ANOS1: variants seen among roughly 807,000 people sequenced by gnomAD.
ANOS1 encodes the protein anosmin 1.
A neutral mutation model predicts 59.0 loss-of-function variants in ANOS1; 6 were observed. The ratio of observed to expected loss-of-function variants is 0.10; its 90% CI spans 0.06 to 0.20. ANOS1 has a LOEUF of 0.20. Among genes scored for constraint, ANOS1 ranks in the 10% least tolerant of loss-of-function variants. The probability of loss-of-function intolerance (pLI) is 1.00; values close to 1 mark genes in which losing one functional copy is unlikely to be tolerated. For missense variants in ANOS1, 433 were observed against 542.3 expected (o/e 0.80, Z 2.00); for synonymous variants, 217 against 223.4 (o/e 0.97, Z 0.25).
intron 10 of ANOS1, among the ~76,000 whole-genome samples, chrX:8,537,762 G>C (rs1045733648): frequency 1.2e-5 from 1 of 80,384 alleles, no homozygotes; most frequent in Non-Finnish European, 2.7e-5. Context: ...GTGTGTGTGT[G>C]TGTGTGTGTG....
intron 9 of ANOS1, among the ~76,000 whole-genome samples, chrX:8,551,608 A>C (rs908704995): frequency 9.0e-6 from 1 of 110,666 alleles, no homozygotes; most frequent in Non-Finnish European, 1.9e-5. Flanking sequence ...CTCCATCAAA[A>C]AAAAAAAAAC....
At chrX:8,640,312 G>C (rs981738295) in intron 2 of ANOS1, among the ~76,000 whole-genome samples, 1 of 111,073 alleles carries the variant, frequency 9.0e-6, no homozygotes, top group African/African-American at 3.3e-5. Context: ...TTCCTAACAA[G>C]GGGGAGGGAG....
At chrX:8,612,602 G>A (rs1931081378) in intron 3 of ANOS1, among the ~76,000 whole-genome samples, 1 of 105,724 alleles carries the variant, frequency 9.5e-6, no homozygotes, top group South Asian at 4.1e-4. Flanking sequence ...ATTCTATTGG[G>A]ATGAATCAAG....
chrX:8,566,072 G>A, intron 8 of ANOS1: 8 of 754,050 alleles, frequency 1.1e-5, no homozygotes, highest in Non-Finnish European at 1.3e-5. Flanking sequence ...CATCCACGCT[G>A]CTGCGTTTGT....
chrX:8,648,839 T>C (rs1168766659), intron 2 of ANOS1, among the ~76,000 whole-genome samples: 1 of 112,173 alleles, frequency 8.9e-6, no homozygotes, highest in Non-Finnish European at 1.9e-5. Context: ...GTTGATGTCT[T>C]TGTTCAGTAA....
chrX:8,642,951 A>G (rs1931690264), intron 2 of ANOS1, among the ~76,000 whole-genome samples: 1 of 112,672 alleles, frequency 8.9e-6, no homozygotes, highest in South Asian at 3.7e-4. Flanking sequence ...GGAAAACTTT[A>G]TAAAGAACTT....
intron 2 of ANOS1, among the ~76,000 whole-genome samples, chrX:8,631,553 T>C (rs1285898007): frequency 2.7e-5 from 3 of 112,282 alleles, no homozygotes; most frequent in East Asian, 2.8e-4. Flanking sequence ...AGTTTTTTTT[T>C]CTTTAATCTG....
At chrX:8,608,063 AG>A (rs1220993016) in intron 3 of ANOS1, among the ~76,000 whole-genome samples, 11 of 112,039 alleles carry the variant, frequency 9.8e-5, no homozygotes, top group African/African-American at 3.6e-4. Context: ...TGTCCCCTTC[AG>A]AGCTTGACAA....
intron 1 of ANOS1, among the ~76,000 whole-genome samples, chrX:8,727,949 T>C (rs1242967891): frequency 1.8e-5 from 2 of 112,627 alleles, no homozygotes; most frequent in African/African-American, 6.5e-5. Context: ...ACAACATGGA[T>C]AGGAAATTTA....
intron 2 of ANOS1, among the ~76,000 whole-genome samples, chrX:8,664,212 A>G (rs1197983601): frequency 1.8e-5 from 2 of 112,014 alleles, no homozygotes; most frequent in Non-Finnish European, 3.8e-5. Context: ...GTTTTCTGAG[A>G]TGGAGTCTCA....
chrX:8,692,594 C>T (rs1214394011), intron 2 of ANOS1, among the ~76,000 whole-genome samples: 1 of 111,176 alleles, frequency 9.0e-6, no homozygotes, highest in East Asian at 2.8e-4. Flanking sequence ...GAAAGCTTTT[C>T]CAACATTCCC....
intron 2 of ANOS1, among the ~76,000 whole-genome samples, chrX:8,682,569 C>T (rs1174363166): frequency 2.7e-5 from 3 of 111,270 alleles, no homozygotes; most frequent in Non-Finnish European, 5.7e-5. Context: ...TCGAGGTACA[C>T]AAAACAAAAT....
chrX:8,607,488 TG>T (rs1930962189), intron 3 of ANOS1, among the ~76,000 whole-genome samples: 2 of 112,021 alleles, frequency 1.8e-5, no homozygotes, highest in Admixed American at 1.9e-4. Context: ...CTTCCTGGCC[TG>T]GCTCTTCTAT....
At chrX:8,702,738 A>C (rs958968348) in intron 1 of ANOS1, among the ~76,000 whole-genome samples, 8 of 112,300 alleles carry the variant, frequency 7.1e-5, no homozygotes, top group Non-Finnish European at 5.6e-5. Context: ...CTGTCTGAGC[A>C]CATCCTGGAT....
intron 1 of ANOS1, among the ~76,000 whole-genome samples, chrX:8,720,121 C>T (rs182390642): frequency 1.1e-3 from 118 of 111,659 alleles, no homozygotes; most frequent in African/African-American, 3.6e-3. Context: ...AAAGTGTAAA[C>T]ACACACACAC....
At chrX:8,610,040 A>AAAAAAAAAC (rs1569062444) in intron 3 of ANOS1, among the ~76,000 whole-genome samples, 2 of 45,998 alleles carry the variant, frequency 4.3e-5, no homozygotes, top group African/African-American at 1.7e-4. Context: ...AAAAAACAAC[A>AAAAAAAAAC]ACCTTTAAAG....
At chrX:8,700,252 TC>T (rs1290024283) in intron 1 of ANOS1, among the ~76,000 whole-genome samples, 2 of 111,785 alleles carry the variant, frequency 1.8e-5, no homozygotes, top group African/African-American at 3.3e-5. Context: ...GACTCACAGT[TC>T]TGCAGGCTTA....
At chrX:8,638,478 C>T (rs1569070445) in intron 2 of ANOS1, among the ~76,000 whole-genome samples, 1 of 112,000 alleles carries the variant, frequency 8.9e-6, no homozygotes, top group Non-Finnish European at 1.9e-5. Context: ...AGTCTGCATG[C>T]TTTGACCTTA....
chrX:8,583,122 C>CT (rs35726224), intron 6 of ANOS1, among the ~76,000 whole-genome samples: 35,452 of 95,567 alleles, frequency 0.37, 5,241 homozygotes, highest in Middle Eastern at 0.42. Flanking sequence ...TGCTTTTGGC[C>CT]TTTTTTTTTT....
Sources: gnomAD v4.1 joint callset for allele counts (sites outside exome capture counted in the v4.1 genomes callset) on GRCh38, gnomAD v4.1.1 for gene constraint, MANE v1.5 for transcripts, NCBI Gene and HGNC (gene_info 2026-07-23, HGNC 2026-07-21) for gene names.